The following RIT2 variants were observed in gnomAD, a reference collection of about 807,000 sequenced individuals.
The protein encoded by RIT2 is GTP-binding protein Rit2.
In RIT2, 24 loss-of-function variants were observed where a neutral mutation model predicts 23.7. The ratio of observed to expected loss-of-function variants is 1.01; its 90% CI spans 0.73 to 1.43. The LOEUF is 1.43. Among genes scored for constraint, RIT2 ranks in the 40% most tolerant of loss-of-function variants. RIT2 has a pLI of 0.00. For missense variants in RIT2, 236 were observed against 266.9 expected (o/e 0.88, Z 0.81); for synonymous variants, 107 against 91.1 (o/e 1.17, Z -0.99).
chr18:43,103,070 C>A (rs1314583690), intron 1 of RIT2, among the ~76,000 whole-genome samples: 1 of 152,124 alleles, frequency 6.6e-6, no homozygotes, highest in Non-Finnish European at 1.5e-5. Context: ...GGCTTATTGG[C>A]CTTCAAATCC....
chr18:43,036,468 A>T (rs1201668103), intron 1 of RIT2, among the ~76,000 whole-genome samples: 4 of 152,164 alleles, frequency 2.6e-5, no homozygotes, highest in Non-Finnish European at 4.4e-5. Context: ...TGAACCTGGG[A>T]GGTGGAGGTT....
chr18:42,996,158 T>C (rs992925915), intron 2 of RIT2, among the ~76,000 whole-genome samples: 32 of 152,074 alleles, frequency 2.1e-4, no homozygotes, highest in African/African-American at 7.0e-4. Context: ...CAGGCCATCA[T>C]CAATAATTCT....
intron 4 of RIT2, among the ~76,000 whole-genome samples, chr18:42,795,339 C>G (rs1211910344): frequency 6.6e-6 from 1 of 152,198 alleles, no homozygotes; most frequent in Non-Finnish European, 1.5e-5. Context: ...GACGGCCGAC[C>G]CTGCCAGCCC....
At chr18:43,064,141 A>C (rs1666967668) in intron 1 of RIT2, among the ~76,000 whole-genome samples, 1 of 152,200 alleles carries the variant, frequency 6.6e-6, no homozygotes, top group South Asian at 2.1e-4. Flanking sequence ...GGAGATCACA[A>C]ATTTCAGAAC....
At position 42,923,791 on chromosome 18, in the gene RIT2, T is replaced by C. The variant is rs200562222; in HGVS notation, c.235-28A>G. 1.1e-4 allele frequency: 154 copies of C among 1,461,198 alleles called. No individual in the cohort carries two copies. In the African/African-American group the frequency reaches 2.0e-3, roughly 19 times the overall value. 90.5% of individuals were successfully genotyped at this position (1,461,198 alleles called of 1,614,324 possible). On this transcript the variant is annotated intron_variant, in intron 3 of 4. Transcript: ENST00000326695. The stretch of plus-strand genomic sequence containing the variant: ...GCAGGAAAAAAAAAAAAAAATTAGT[T>C]ATGGGCTTTCAATATAGCTAATTAA...
intron 1 of RIT2, among the ~76,000 whole-genome samples, chr18:43,112,783 A>G (rs1913984460): frequency 6.6e-6 from 1 of 152,040 alleles, no homozygotes; most frequent in South Asian, 2.1e-4. Flanking sequence ...ATACATAAAA[A>G]ATCTCCAAGA....
intron 2 of RIT2, among the ~76,000 whole-genome samples, chr18:43,017,644 A>G (rs2144261798): frequency 6.6e-6 from 1 of 152,220 alleles, no homozygotes; most frequent in African/African-American, 2.4e-5. Context: ...GGAAATGGTT[A>G]CAGTATGCCA....
At chr18:42,758,059 T>A (rs758060558) in intron 4 of RIT2, among the ~76,000 whole-genome samples, 2 of 152,092 alleles carry the variant, frequency 1.3e-5, no homozygotes, top group Non-Finnish European at 2.9e-5. Flanking sequence ...TTTTCCTATA[T>A]TTTTAGTCTT....
intron 4 of RIT2, among the ~76,000 whole-genome samples, chr18:42,757,813 T>C (rs1261931945): frequency 6.6e-6 from 1 of 152,142 alleles, no homozygotes; most frequent in African/African-American, 2.4e-5. Context: ...AAGCAGATGC[T>C]CTCACCCTCC....
chr18:42,917,887 CA>C lies in RIT2; in HGVS notation c.426+5684del, dbSNP rs574749990. On this transcript the variant is annotated intron_variant, in intron 4 of 4. Coordinates refer to ENST00000326695, the MANE Select transcript of RIT2 (RefSeq NM_002930.4). ...ATCTTTTTAGAGAGACCATCTTGAC[CA>C]CCCTAGAGAAAATACAGCTCTGATT... 2.8e-3 allele frequency among the ~76,000 whole-genome samples: 431 copies of C among 152,172 alleles called. 4 individuals carry two copies. Among genetic ancestry groups the C allele is most frequent in the South Asian group, 0.012 (56 of 4,824 alleles).
rs370616715 is a variant in RIT2 at position 43,022,431 on chromosome 18, G to GA, written c.160+11379dup. Among the ~76,000 whole-genome samples the GA allele has an allele frequency of 2.5e-3, 381 of 152,192 alleles. 1 individual carries two copies. The highest frequency in any genetic ancestry group is 8.6e-3 in the African/African-American group (358 of 41,548). Reference sequence around the variant, plus strand: ...ACAGTTAATAATGAATTGTGTAATTGAAAATAGCTAGAATGTAGGACTTGA... The same window carrying GA: ...ACAGTTAATAATGAATTGTGTAATTGAAAAATAGCTAGAATGTAGGACTTGA... On this transcript the variant is annotated intron_variant, in intron 2 of 4. Coordinates refer to ENST00000326695, the MANE Select transcript of RIT2 (RefSeq NM_002930.4).
At chr18:43,081,164 C>G (rs912271694) in intron 1 of RIT2, among the ~76,000 whole-genome samples, 2 of 152,132 alleles carry the variant, frequency 1.3e-5, no homozygotes, top group Non-Finnish European at 2.9e-5. Flanking sequence ...TGGATATACA[C>G]AAACACTAAT....
intron 2 of RIT2, among the ~76,000 whole-genome samples, chr18:42,984,475 T>G (rs1910664712): frequency 1.3e-5 from 2 of 152,084 alleles, no homozygotes; most frequent in African/African-American, 4.8e-5. Flanking sequence ...TTCTGTGTTT[T>G]GACTATCAAT....
intron 4 of RIT2, among the ~76,000 whole-genome samples, chr18:42,854,943 C>T (rs931393137): frequency 2.0e-5 from 3 of 152,112 alleles, no homozygotes; most frequent in Admixed American, 1.3e-4. Context: ...TTTTCAGATG[C>T]TAATAACAGG....
intron 4 of RIT2, among the ~76,000 whole-genome samples, chr18:42,780,957 T>A (rs1913798574): frequency 6.6e-6 from 1 of 152,072 alleles, no homozygotes; most frequent in African/African-American, 2.4e-5. Flanking sequence ...ATTTTATATA[T>A]GAGGAAACTG....
intron 4 of RIT2, among the ~76,000 whole-genome samples, chr18:42,760,911 C>T (rs1913285576): frequency 6.6e-6 from 1 of 152,052 alleles, no homozygotes. Context: ...GTTGGGGACT[C>T]CTATGATTAG....
chr18:42,865,860 C>A (rs969523855), intron 4 of RIT2, among the ~76,000 whole-genome samples: 1 of 152,132 alleles, frequency 6.6e-6, no homozygotes, highest in Non-Finnish European at 1.5e-5. Flanking sequence ...AAAACCAGAT[C>A]ACATATGTCT....
intron 2 of RIT2, among the ~76,000 whole-genome samples, chr18:43,006,479 GAT>G (rs902880998): frequency 3.3e-5 from 5 of 151,496 alleles, no homozygotes; most frequent in African/African-American, 1.2e-4. Context: ...CATAATGCAA[GAT>G]ATTAAATAAC....
At chr18:42,814,843 A>T (rs1905950260) in intron 4 of RIT2, among the ~76,000 whole-genome samples, 1 of 152,136 alleles carries the variant, frequency 6.6e-6, no homozygotes, top group Non-Finnish European at 1.5e-5. Context: ...CCTCCACTGG[A>T]TCAGGTGCTG....
Sources: allele counts gnomAD v4.1 joint callset (sites outside exome capture counted in the v4.1 genomes callset), GRCh38; gene constraint gnomAD v4.1.1; transcripts MANE v1.5; gene names NCBI Gene and HGNC (gene_info 2026-07-23, HGNC 2026-07-21).